Variants in GPATCH1 observed in about 807,000 individuals in gnomAD.
GPATCH1 encodes G patch domain-containing protein 1.
Under a neutral mutation model 114.9 loss-of-function variants are expected in GPATCH1, and 73 were observed. The ratio of observed to expected loss-of-function variants is 0.64; its 90% CI spans 0.53 to 0.77. The LOEUF (loss-of-function observed/expected upper bound fraction) is 0.77. GPATCH1 is among the 30% of genes least tolerant of loss of function. The pLI, the probability that GPATCH1 is intolerant of heterozygous loss-of-function variation, is 0.00. For missense variants in GPATCH1, 1,058 were observed against 1,144.3 expected (o/e 0.92, Z 1.09); for synonymous variants, 391 against 428.4 (o/e 0.91, Z 1.08).
rs922510513 is a variant in GPATCH1, at chr19:33,111,848, T to C, written c.1710T>C (p.Thr570=). The C allele has an allele frequency of 2.5e-6, 4 of 1,614,008 alleles. No individual in the cohort carries two copies. Among genetic ancestry groups the C allele is most frequent in the Non-Finnish European group, 2.5e-6 (3 of 1,179,974 alleles). The change falls in exon 12 of 20, where the codon ACT becomes ACC. Residue 570 remains threonine, a synonymous_variant. Coordinates refer to ENST00000170564, the MANE Select transcript of GPATCH1 (RefSeq NM_018025.3). ...SSHSTLSSRF[T]HAKEEDDSDQ... Reference sequence around the variant, plus strand: ...ATTCGACCTTGTCCTCCAGGTTCACTCACGCCAAGGAGGAGGATGACTCAG... The same window carrying C: ...ATTCGACCTTGTCCTCCAGGTTCACCCACGCCAAGGAGGAGGATGACTCAG...
intron 12 of GPATCH1, among the ~76,000 whole-genome samples, 166 bp from the exon 13 acceptor site, chr19:33,112,320 G>A (rs1815642019): frequency 6.6e-6 from 1 of 152,252 alleles, no homozygotes; most frequent in African/African-American, 2.4e-5. Context: ...ATGTATAGGA[G>A]AATAGGAAAC....
chr19:33,125,323 G>A, intron 18 of GPATCH1, 121 bp downstream of exon 18: 1 of 1,069,858 alleles, frequency 9.3e-7, no homozygotes, highest in Admixed American at 2.8e-5. Flanking sequence ...TTCTCTCTGA[G>A]ACTTAACAGA....
chr19:33,092,888 G>A (rs1972612179), intron 3 of GPATCH1, among the ~76,000 whole-genome samples: 1 of 151,992 alleles, frequency 6.6e-6, no homozygotes, highest in Admixed American at 6.6e-5. Flanking sequence ...GTGAGGATGA[G>A]GTTCTAAAGT....
At chr19:33,085,364 C>T (rs1004515252) in intron 1 of GPATCH1, among the ~76,000 whole-genome samples, 1 of 152,006 alleles carries the variant, frequency 6.6e-6, no homozygotes, top group Non-Finnish European at 1.5e-5. Flanking sequence ...GGACTATAGG[C>T]GCATACCACC....
At position 33,096,214 on chromosome 19, in the gene GPATCH1, A is replaced by G; in HGVS notation, c.620A>G (p.Asp207Gly). The stretch of plus-strand genomic sequence containing the variant: ...CACTTTAAACGGAAATAGGGTGAAG[A>G]TGATGACTACTTGCCTGATAATGTG... Reference protein sequence around the residue: ...PGSSEGSEGEDDDYLPDNVTF... With the variant: ...PGSSEGSEGEGDDYLPDNVTF... Residue 207 changes from aspartate (D) to glycine (G), a missense_variant, in exon 7 of 20, where the codon GAT becomes GGT. This residue lies in a region of GPATCH1 where 893 missense variants were observed against 977.4 expected (regional missense o/e 0.91). Transcript: ENST00000170564. The G allele has an allele frequency of 2.5e-6, 4 of 1,613,696 alleles. No homozygotes were observed. The highest frequency in any genetic ancestry group is 3.4e-6 in the Non-Finnish European group (4 of 1,179,820).
At chr19:33,107,218 G>C (rs577856314) in intron 10 of GPATCH1, among the ~76,000 whole-genome samples, 2 of 152,222 alleles carry the variant, frequency 1.3e-5, no homozygotes, top group East Asian at 3.9e-4. Context: ...ATGTTGCTGG[G>C]ACTATAGGCA....
chr19:33,099,765 ATTTTTTT>A (rs35230371), intron 8 of GPATCH1, among the ~76,000 whole-genome samples: 26 of 118,314 alleles, frequency 2.2e-4, no homozygotes, highest in East Asian at 4.9e-4. Flanking sequence ...CGCCCAGCTA[ATTTTTTT>A]TTTTTTTTTT....
At chr19:33,083,280 C>T (rs1330931275) in intron 1 of GPATCH1, among the ~76,000 whole-genome samples, 2 of 150,110 alleles carry the variant, frequency 1.3e-5, no homozygotes, top group Non-Finnish European at 3.0e-5. Flanking sequence ...TGGGATCCTT[C>T]TATGTTGCTC....
Position 33,094,231 on chromosome 19 carries a change from G to A in GPATCH1, c.515G>A (p.Gly172Asp). 6.2e-7 allele frequency: 1 copy of A among 1,610,020 alleles called. No homozygotes were observed. Among genetic ancestry groups the A allele is most frequent in the East Asian group, 2.2e-5 (1 of 44,862 alleles). Residue 172 changes from glycine to aspartate, a missense_variant, in exon 5 of 20, where the codon GGT (glycine) becomes GAT (aspartate). Physicochemically the swap from Gly to Asp is moderately conservative, Grantham distance 94 (BLOSUM62 -1). Transcript: ENST00000170564. ...KMGWKEGQGV[G>D]PRVKRRPRRQ... Reference sequence around the variant, plus strand: ...GGTTGGAAAGAAGGACAAGGAGTTGGTCCTCGAGTAAAGAGACGGCCACGC... The same window carrying A: ...GGTTGGAAAGAAGGACAAGGAGTTGATCCTCGAGTAAAGAGACGGCCACGC...
rs574107652 is a variant in GPATCH1, at chr19:33,091,580, C to T, written c.294+715C>T. 4.6e-5 allele frequency among the ~76,000 whole-genome samples: 7 copies of T among 151,888 alleles called. No individual in the cohort carries two copies. In the East Asian group the frequency reaches 7.7e-4, roughly 17 times the overall value. On this transcript the variant is annotated intron_variant, in intron 3 of 19. Coordinates refer to ENST00000170564, the MANE Select transcript of GPATCH1 (RefSeq NM_018025.3). ...CTTCTGCTACCTTAAAACCTGGTCG[C>T]GGATTCACCCATGATAAAGATTAAA...
At chr19:33,105,196 C>T (rs568345667) in intron 9 of GPATCH1, among the ~76,000 whole-genome samples, 6 of 152,110 alleles carry the variant, frequency 3.9e-5, no homozygotes, top group Admixed American at 3.3e-4. Flanking sequence ...CATTGGGAGG[C>T]TGAGGCGGGT....
chr19:33,091,413 C>CAAAAAAAAA (rs1184888892), intron 3 of GPATCH1, among the ~76,000 whole-genome samples: 9 of 44,956 alleles, frequency 2.0e-4, no homozygotes, highest in Non-Finnish European at 3.1e-4. Context: ...GACTCCGTCT[C>CAAAAAAAAA]AAAAAAAAAA....
At chr19:33,105,167 T>C (rs113135967) in intron 9 of GPATCH1, among the ~76,000 whole-genome samples, 3,013 of 152,148 alleles carry the variant, frequency 0.02, 29 homozygotes, top group Non-Finnish European at 0.031. Flanking sequence ...CGTGGTGGCT[T>C]ACGCCTGTAA....
chr19:33,101,385 A>G, intron 8 of GPATCH1, 110 bp from the exon 9 acceptor site: 1 of 681,246 alleles, frequency 1.5e-6, no homozygotes. Flanking sequence ...GATAGCATGT[A>G]TGACACGTAC....
Position 33,125,189 on chromosome 19 carries a change from G to A in GPATCH1, c.2606G>A (p.Arg869Gln), listed in dbSNP as rs557686705. 1.8e-4 allele frequency: 279 copies of A among 1,593,106 alleles called. 2 individuals carry two copies. The South Asian group carries it at 2.5e-3, about 14-fold the overall frequency. Residue 869 changes from arginine (R) to glutamine (Q), a missense_variant, in exon 18 of 20, where the codon CGG (arginine) becomes CAG (glutamine). Arg to Gln is a conservative substitution (Grantham distance 43). This residue lies in a region of GPATCH1 where 893 missense variants were observed against 977.4 expected (regional missense o/e 0.91). Coordinates refer to ENST00000170564, the MANE Select transcript of GPATCH1 (RefSeq NM_018025.3). ...CACAAGGCCAAGAAAGAGCACAGGC[G>A]GAAGAAAGAGAAGGTGAGAGACTTG... Reference protein sequence around the residue: ...DKHKAKKEHRRKKEKKKKHRK... With the variant: ...DKHKAKKEHRQKKEKKKKHRK...
intron 2 of GPATCH1, among the ~76,000 whole-genome samples, chr19:33,090,399 G>C (rs2145304302): frequency 6.6e-6 from 1 of 152,252 alleles, no homozygotes; most frequent in South Asian, 2.1e-4. Flanking sequence ...TAGAAGCGAT[G>C]ACATCATTTC....
At chr19:33,115,500 T>TC (rs1472220667) in intron 15 of GPATCH1, among the ~76,000 whole-genome samples, 4 of 147,800 alleles carry the variant, frequency 2.7e-5, no homozygotes, top group Admixed American at 6.8e-5. Flanking sequence ...GTGGGTTTCT[T>TC]TTTTTTTTTT....
At chr19:33,092,188 A>G (rs1451439259) in intron 3 of GPATCH1, among the ~76,000 whole-genome samples, 2 of 151,748 alleles carry the variant, frequency 1.3e-5, no homozygotes, top group African/African-American at 4.8e-5. Context: ...AGCTGGGATT[A>G]CAGGCGTGTG....
intron 9 of GPATCH1, among the ~76,000 whole-genome samples, chr19:33,105,913 T>C (rs1385619756): frequency 6.6e-6 from 1 of 151,980 alleles, no homozygotes; most frequent in African/African-American, 2.4e-5. Flanking sequence ...AGTGGCGCAA[T>C]CTCAGCTCAC....
Sources: gnomAD v4.1 joint callset for allele counts (sites outside exome capture counted in the v4.1 genomes callset) on GRCh38, gnomAD v4.1.1 for gene constraint, gnomAD v4.1.1 regional missense constraint, MANE v1.5 for transcripts, NCBI Gene and HGNC (gene_info 2026-07-23, HGNC 2026-07-21) for gene names.